Variants in LARS2 observed in about 807,000 individuals in gnomAD.
The protein encoded by LARS2 is leucine--tRNA ligase, mitochondrial.
LARS2 carries 81 observed loss-of-function variants against 116.6 expected under a neutral mutation model. The ratio of observed to expected loss-of-function variants is 0.69; its 90% CI spans 0.58 to 0.84. The LOEUF (loss-of-function observed/expected upper bound fraction) is 0.84, where lower values mean the gene tolerates loss of function less well. Among genes scored for constraint, LARS2 ranks in the 40% least tolerant of loss-of-function variants. The probability of loss-of-function intolerance (pLI) is 0.00; values close to 1 mark genes in which losing one functional copy is unlikely to be tolerated. For missense variants in LARS2, 968 were observed against 1,114.5 expected (o/e 0.87, Z 1.87); for synonymous variants, 396 against 407.2 (o/e 0.97, Z 0.33).
In LARS2 at chr3:45,484,649, T is replaced by TATATATATATATA. The variant is rs36044906; in HGVS notation, c.1019-1043_1019-1042insATATATATATATA. Among the ~76,000 whole-genome samples the TATATATATATATA allele has an allele frequency of 7.2e-4, 27 of 37,468 alleles. 2 individuals carry two copies. Among genetic ancestry groups the TATATATATATATA allele is most frequent in the Non-Finnish European group, 1.5e-3 (24 of 15,740 alleles). 24.6% of individuals were successfully genotyped at this position (37,468 alleles called of 152,430 possible). ...AAAAAAAATATATATATATATATAT[T>TATATATATATATA]TAAAATAAGATGTTATTTTAAATAA... On this transcript the variant is annotated intron_variant, in intron 10 of 21. Coordinates refer to ENST00000645846, the MANE Select transcript of LARS2 (RefSeq NM_015340.4).
intron 4 of LARS2, among the ~76,000 whole-genome samples, chr3:45,410,148 T>A (rs1698306109): frequency 6.6e-6 from 1 of 152,196 alleles, no homozygotes; most frequent in African/African-American, 2.4e-5. Flanking sequence ...GTAATTAAGT[T>A]TCCCCCCTTT....
At chr3:45,480,758 G>A (rs1314594257) in intron 10 of LARS2, among the ~76,000 whole-genome samples, 1 of 152,172 alleles carries the variant, frequency 6.6e-6, no homozygotes, top group Non-Finnish European at 1.5e-5. Flanking sequence ...TTGCAAATCT[G>A]CTAATATTTA....
At chr3:45,450,547 A>G (rs1170969773) in intron 7 of LARS2, among the ~76,000 whole-genome samples, 1 of 152,114 alleles carries the variant, frequency 6.6e-6, no homozygotes, top group Non-Finnish European at 1.5e-5. Flanking sequence ...AGTTCCATTC[A>G]TTTTATTGTT....
chr3:45,430,027 T>TTG (rs1698667429), intron 6 of LARS2, among the ~76,000 whole-genome samples: 1 of 140,844 alleles, frequency 7.1e-6, no homozygotes, highest in Non-Finnish European at 1.5e-5. Flanking sequence ...TTTTTTTTTT[T>TTG]TTGAGACAGA....
chr3:45,415,524 A>G (rs758198936), intron 4 of LARS2, among the ~76,000 whole-genome samples: 3 of 152,182 alleles, frequency 2.0e-5, no homozygotes, highest in Non-Finnish European at 4.4e-5. Flanking sequence ...CCAAAAGCAT[A>G]GCTAGTGGTT....
At chr3:45,503,906 G>A (rs1700160538) in intron 15 of LARS2, among the ~76,000 whole-genome samples, 1 of 151,810 alleles carries the variant, frequency 6.6e-6, no homozygotes, top group Non-Finnish European at 1.5e-5. Flanking sequence ...CCCTTTCCTC[G>A]ACTTTTAGGT....
intron 5 of LARS2, among the ~76,000 whole-genome samples, 160 bp from the exon 6 acceptor site, chr3:45,419,509 T>C (rs1432075831): frequency 6.6e-6 from 1 of 152,238 alleles, no homozygotes; most frequent in Non-Finnish European, 1.5e-5. Flanking sequence ...TATTTTTTGC[T>C]GATTCTTAGT....
intron 10 of LARS2, among the ~76,000 whole-genome samples, chr3:45,477,110 T>C (rs1278237999): frequency 1.3e-5 from 2 of 152,216 alleles, no homozygotes; most frequent in Non-Finnish European, 2.9e-5. Context: ...TCCTGCTCCA[T>C]ACAGAGTTTT....
Position 45,549,396 on chromosome 3 carries a change from C to G in LARS2, c.*1866C>G, listed in dbSNP as rs1367693837. On this transcript the variant is annotated 3_prime_UTR_variant, in exon 22 of 22. Coordinates refer to ENST00000645846, the MANE Select transcript of LARS2 (RefSeq NM_015340.4). ...GCAGTGAATATGGATTAAATATAAG[C>G]CCATGAAAATATTTGGTACAAGGAA... 1 of 152,132 alleles carries G rather than the reference C, an allele frequency of 6.6e-6. No individual in the cohort carries two copies. The highest frequency in any genetic ancestry group is 6.5e-5 in the Admixed American group (1 of 15,274). 9.4% of individuals were successfully genotyped at this position (152,132 alleles called of 1,614,324 possible).
chr3:45,542,440 C>T (rs1408636191), intron 21 of LARS2, among the ~76,000 whole-genome samples: 4 of 152,126 alleles, frequency 2.6e-5, no homozygotes, highest in East Asian at 1.9e-4. Context: ...AGGAGTTTAT[C>T]GTTTAAACCC....
rs1699845708 is a variant in LARS2 at position 45,488,062 on chromosome 3, A to G, written c.1124-635A>G. On this transcript the variant is annotated intron_variant, in intron 11 of 21. Transcript: ENST00000645846. ...CTCTGCCACTGAGGGAATTCAAGAA[A>G]GAGGCTTCCACAAATGCTTATAATT... 8.5e-5 allele frequency among the ~76,000 whole-genome samples: 13 copies of G among 152,258 alleles called. 1 individual carries two copies. The highest frequency in any genetic ancestry group is 8.5e-4 in the Admixed American group (13 of 15,290).
At chr3:45,532,681 G>A (rs540663446) in intron 20 of LARS2, among the ~76,000 whole-genome samples, 27 of 152,014 alleles carry the variant, frequency 1.8e-4, no homozygotes, top group Non-Finnish European at 2.9e-4. Flanking sequence ...ACACTGTGTC[G>A]CCCAGGCTGG....
chr3:45,412,545 C>T (rs1488045059), intron 4 of LARS2, among the ~76,000 whole-genome samples: 2 of 152,156 alleles, frequency 1.3e-5, no homozygotes, highest in Non-Finnish European at 2.9e-5. Flanking sequence ...TTAAATTAAG[C>T]TTGTATTACG....
At chr3:45,429,660 A>G (rs1364976074) in intron 6 of LARS2, among the ~76,000 whole-genome samples, 1 of 147,926 alleles carries the variant, frequency 6.8e-6, no homozygotes, top group Non-Finnish European at 1.5e-5. Context: ...GGGCATGGAC[A>G]TCTTTGAGGT....
rs777991214 is a variant in LARS2, at chr3:45,518,028, G to A, written c.2170G>A (p.Glu724Lys). ...GCTGCTGAGTAACAAGGAGAAAGCT[G>A]AGGCCAGGAAGCTCTGGGAGTACAA... ...PQLLSNKEKA[E>K]ARKLWEYKNS... is the part of the protein sequence containing the mutation. The change falls in exon 18 of 22, where the codon GAG becomes AAG. Residue 724 changes from glutamate to lysine, a missense_variant. Glu to Lys is a moderately conservative substitution (Grantham distance 56, BLOSUM62 1). Coordinates refer to ENST00000645846, the MANE Select transcript of LARS2 (RefSeq NM_015340.4). 9.9e-6 allele frequency: 16 copies of A among 1,613,698 alleles called. No individual in the cohort carries two copies. Among genetic ancestry groups the A allele is most frequent in the African/African-American group, 1.3e-5 (1 of 75,014 alleles).
chr3:45,540,231 C>T (rs1700769899), intron 20 of LARS2, among the ~76,000 whole-genome samples: 1 of 152,108 alleles, frequency 6.6e-6, no homozygotes, highest in Admixed American at 6.5e-5. Context: ...TGCACTCCAG[C>T]CTGGATGACA....
intron 20 of LARS2, chr3:45,541,560 G>T: frequency 2.3e-6 from 1 of 436,310 alleles, no homozygotes; most frequent in Non-Finnish European, 4.1e-6. Context: ...CAAATCAGCA[G>T]CCTTGTTTTT....
At chr3:45,525,161 T>C (rs1700514885) in intron 20 of LARS2, among the ~76,000 whole-genome samples, 1 of 152,232 alleles carries the variant, frequency 6.6e-6, no homozygotes, top group African/African-American at 2.4e-5. Context: ...TTAGCTAAGA[T>C]GAGACTTATT....
chr3:45,514,495 C>T (rs552578279), intron 16 of LARS2, among the ~76,000 whole-genome samples: 1 of 152,198 alleles, frequency 6.6e-6, no homozygotes, highest in Non-Finnish European at 1.5e-5. Flanking sequence ...GGCAGTGTCT[C>T]TCCAGCATGG....
Sources: allele counts gnomAD v4.1 joint callset (sites outside exome capture counted in the v4.1 genomes callset), GRCh38; gene constraint gnomAD v4.1.1; transcripts MANE v1.5; gene names NCBI Gene and HGNC (gene_info 2026-07-23, HGNC 2026-07-21).